Variants in KPNA4 observed in about 807,000 individuals in gnomAD.
KPNA4 encodes karyopherin subunit alpha 4, also known as importin subunit alpha-3.
A neutral mutation model predicts 71.3 loss-of-function variants in KPNA4; 13 were observed. That is an observed-to-expected ratio of 0.18 (90% confidence interval 0.12 to 0.29). The LOEUF is 0.29. KPNA4 is among the 10% of genes least tolerant of loss of function. The pLI is 1.00. For synonymous variants in KPNA4, 189 were observed against 195.2 expected (o/e 0.97, Z 0.26); for missense variants, 334 against 603.2 (o/e 0.55, Z 4.67).
At chr3:160,519,910 G>C (rs977564843) in intron 11 of KPNA4, among the ~76,000 whole-genome samples, 3 of 151,728 alleles carry the variant, frequency 2.0e-5, no homozygotes, top group African/African-American at 7.3e-5. Context: ...TAGAGGTACA[G>C]AGAAAAAAGC....
intron 10 of KPNA4, among the ~76,000 whole-genome samples, chr3:160,522,205 T>C (rs1461672612): frequency 6.6e-6 from 1 of 152,166 alleles, no homozygotes; most frequent in Non-Finnish European, 1.5e-5. Context: ...GAAAAAGACA[T>C]TCTCTTTCCC....
At chr3:160,561,235 TCA>T (rs1722239362) in intron 1 of KPNA4, among the ~76,000 whole-genome samples, 1 of 152,104 alleles carries the variant, frequency 6.6e-6, no homozygotes, top group Admixed American at 6.5e-5. Flanking sequence ...CTCAGAACTT[TCA>T]TAAAAAGTAT....
chr3:160,504,017 G>T (rs997996185), intron 16 of KPNA4, among the ~76,000 whole-genome samples: 1 of 152,230 alleles, frequency 6.6e-6, no homozygotes, highest in South Asian at 2.1e-4. Flanking sequence ...CAGGGAGGGG[G>T]AGGTTGCAGT....
At chr3:160,548,785 A>G (rs1255183634) in intron 1 of KPNA4, among the ~76,000 whole-genome samples, 1 of 152,206 alleles carries the variant, frequency 6.6e-6, no homozygotes, top group Non-Finnish European at 1.5e-5. Context: ...TCCCGCTTTC[A>G]ATTCATCTGG....
chr3:160,549,459 T>C (rs776078862), intron 1 of KPNA4, among the ~76,000 whole-genome samples: 1 of 152,204 alleles, frequency 6.6e-6, no homozygotes, highest in Non-Finnish European at 1.5e-5. Context: ...TTGTATATAG[T>C]ACAAGGGTCC....
rs1720861457 is a variant in KPNA4 at position 160,500,741 on chromosome 3, T to C, written c.*1363A>G. On this transcript the variant is annotated 3_prime_UTR_variant, in exon 17 of 17. Transcript: ENST00000334256. ...AAACAATTGAACAGATTAGGCATATTATTAAAGGTGTTCAAACCATTACTT... is the reference window on the plus strand; with the variant it reads ...AAACAATTGAACAGATTAGGCATATCATTAAAGGTGTTCAAACCATTACTT... 1 of 152,606 alleles carries C rather than the reference T, an allele frequency of 6.6e-6. No individual in the cohort carries two copies. The highest frequency in any genetic ancestry group is 1.5e-5 in the Non-Finnish European group (1 of 68,034). The allele number at this position is 152,606 out of a possible 1,614,324, so 9.5% of individuals were successfully genotyped here.
Position 160,530,134 on chromosome 3 carries a change from CAAAAAAAAAAA to C in KPNA4, c.469+710_469+720del, listed in dbSNP as rs746257397. Among the ~76,000 whole-genome samples the C allele has an allele frequency of 4.0e-3, 156 of 38,526 alleles. 1 individual carries two copies. Among genetic ancestry groups the C allele is most frequent in the Non-Finnish European group, 6.3e-3 (106 of 16,792 alleles). 25.3% of individuals were successfully genotyped at this position (38,526 alleles called of 152,430 possible). A position where few individuals can be genotyped will look rare whatever the true frequency, so the allele number is the denominator to read the frequency against. On this transcript the variant is annotated intron_variant, in intron 7 of 16. Transcript: ENST00000334256. Reference sequence around the variant, plus strand: ...TGGGCGACAGAGTGAGACTCCATCTCAAAAAAAAAAAAAAAAAAAAAAAAAGAGAAAAATCT... The same window carrying C: ...TGGGCGACAGAGTGAGACTCCATCTCAAAAAAAAAAAAAAGAGAAAAATCT...
chr3:160,510,710 T>G (rs1450601676), intron 13 of KPNA4, among the ~76,000 whole-genome samples: 1 of 152,090 alleles, frequency 6.6e-6, no homozygotes, highest in Non-Finnish European at 1.5e-5. Flanking sequence ...AGCCCTATAA[T>G]AGCAAAATTT....
rs1721451987 is a variant in KPNA4 at position 160,526,097 on chromosome 3, G to A, written c.567C>T (p.Pro189=). Residue 189 remains proline (P), a synonymous_variant, in exon 9 of 17, where the codon CCC becomes CCT. Coordinates refer to ENST00000334256, the MANE Select transcript of KPNA4 (RefSeq NM_002268.5). The stretch of plus-strand genomic sequence containing the variant: ...GACTTATGACATAATCTCTACACTG[G>A]GGCCCATCACCTGTAGAAAAAAAGG... ...WALGNIIGDG[P]QCRDYVISLG... is the part of the protein sequence containing the mutation. 1.3e-6 allele frequency: 2 copies of A among 1,536,604 alleles called. No homozygotes were observed. Among genetic ancestry groups the A allele is most frequent in the African/African-American group, 1.4e-5 (1 of 71,184 alleles).
chr3:160,505,537 AAG>A (rs1720968048), intron 15 of KPNA4, among the ~76,000 whole-genome samples: 1 of 152,224 alleles, frequency 6.6e-6, no homozygotes, highest in Non-Finnish European at 1.5e-5. Context: ...TTCAGGGGAA[AAG>A]AGAATTTTCC....
At chr3:160,540,834 T>C (rs981415864) in intron 1 of KPNA4, among the ~76,000 whole-genome samples, 20 of 152,350 alleles carry the variant, frequency 1.3e-4, no homozygotes, top group African/African-American at 4.8e-4. Context: ...GGTTGAGGAC[T>C]GTTGCTGCTA....
intron 10 of KPNA4, 21 bp from the exon 11 acceptor site, chr3:160,521,931 T>A: frequency 6.3e-7 from 1 of 1,581,406 alleles, no homozygotes; most frequent in African/African-American, 1.4e-5. Context: ...AAATAAAAAT[T>A]CAAACAACTT....
At chr3:160,537,373 TAG>T (rs542495912) in intron 1 of KPNA4, among the ~76,000 whole-genome samples, 1 of 152,028 alleles carries the variant, frequency 6.6e-6, no homozygotes, top group Non-Finnish European at 1.5e-5. Context: ...TTATAGAACT[TAG>T]AGATATTCCA....
chr3:160,507,690 T>C (rs1023070825), intron 15 of KPNA4, among the ~76,000 whole-genome samples: 2 of 152,198 alleles, frequency 1.3e-5, no homozygotes, highest in Non-Finnish European at 2.9e-5. Flanking sequence ...CATCCCTTTT[T>C]ACCTTATTAA....
chr3:160,552,860 T>C (rs1202262009), intron 1 of KPNA4, among the ~76,000 whole-genome samples: 1 of 152,056 alleles, frequency 6.6e-6, no homozygotes, highest in African/African-American at 2.4e-5. Context: ...AGGCAGATAG[T>C]AGAGTGAGAC....
intron 11 of KPNA4, among the ~76,000 whole-genome samples, chr3:160,517,471 T>G (rs193111745): frequency 6.6e-6 from 1 of 152,142 alleles, no homozygotes; most frequent in Non-Finnish European, 1.5e-5. Flanking sequence ...CTCTTGGGTA[T>G]GTACCTAAGA....
intron 1 of KPNA4, among the ~76,000 whole-genome samples, chr3:160,539,844 T>G (rs1449393857): frequency 2.0e-5 from 3 of 152,150 alleles, no homozygotes; most frequent in African/African-American, 4.8e-5. Flanking sequence ...GGGCTTTAAC[T>G]TCTTTTCATT....
At position 160,502,144 on chromosome 3, in the gene KPNA4, T is replaced by C. The variant is rs779302903; in HGVS notation, c.1526A>G (p.Asn509Ser). The change falls in exon 17 of 17, where the codon AAT (asparagine) becomes AGT (serine). Residue 509 changes from asparagine to serine, a missense_variant. Asn to Ser is a conservative substitution (Grantham distance 46). Coordinates refer to ENST00000334256, the MANE Select transcript of KPNA4 (RefSeq NM_002268.5). ...EAIQGGTFGF[N>S]SSANVPTEGF... The stretch of plus-strand genomic sequence containing the variant: ...TTCTGTTGGTACATTGGCAGATGAA[T>C]TGAAACCAAATGTTCCGCCTTGAAT... 4 of 1,599,998 alleles carry C rather than the reference T, an allele frequency of 2.5e-6. No individual in the cohort carries two copies. The highest frequency in any genetic ancestry group is 1.3e-5 in the African/African-American group (1 of 74,530).
intron 11 of KPNA4, 99 bp from the exon 12 acceptor site, chr3:160,515,679 A>T (rs1721200914): frequency 1.2e-5 from 16 of 1,329,950 alleles, no homozygotes; most frequent in Non-Finnish European, 1.6e-5. Flanking sequence ...CAGTGGTGCG[A>T]TCTCAGCTCA....
Sources: gnomAD v4.1 joint callset for allele counts (sites outside exome capture counted in the v4.1 genomes callset) on GRCh38, gnomAD v4.1.1 for gene constraint, MANE v1.5 for transcripts, NCBI Gene and HGNC (gene_info 2026-07-23, HGNC 2026-07-21) for gene names.